PRTFDC1: variants seen among roughly 807,000 people sequenced by gnomAD.
The protein encoded by PRTFDC1 is phosphoribosyltransferase domain-containing protein 1.
PRTFDC1 carries 38 observed loss-of-function variants against 34.6 expected under a neutral mutation model. The observed-to-expected ratio is 1.10, with a 90% confidence interval of 0.85 to 1.44. The LOEUF (loss-of-function observed/expected upper bound fraction) is 1.44, where lower values mean the gene tolerates loss of function less well. Ranked by LOEUF, PRTFDC1 falls within the 40% of genes most tolerant of loss-of-function variation. PRTFDC1 has a pLI of 0.00. For synonymous variants in PRTFDC1, 93 were observed against 98.1 expected, an observed-to-expected ratio of 0.95 and a Z score of 0.31; for missense variants, 270 against 283.0, an observed-to-expected ratio of 0.95 and a Z score of 0.33.
At chr10:24,859,740 T>G (rs1847645512) in intron 4 of PRTFDC1, among the ~76,000 whole-genome samples, 1 of 152,214 alleles carries the variant, frequency 6.6e-6, no homozygotes, top group African/African-American at 2.4e-5. Flanking sequence ...CATTTTAATT[T>G]CTTGTTTGAT....
At chr10:24,910,832 A>G (rs1319470176) in intron 3 of PRTFDC1, among the ~76,000 whole-genome samples, 2 of 152,192 alleles carry the variant, frequency 1.3e-5, no homozygotes, top group African/African-American at 2.4e-5. Flanking sequence ...AAAATTACCA[A>G]ATCAGGCACC....
At chr10:24,894,406 A>G (rs1049322136) in intron 3 of PRTFDC1, among the ~76,000 whole-genome samples, 1 of 151,810 alleles carries the variant, frequency 6.6e-6, no homozygotes, top group Non-Finnish European at 1.5e-5. Flanking sequence ...GAAGTGCTGC[A>G]TGAGCTGTGA....
chr10:24,877,157 G>A (rs1472461383), intron 3 of PRTFDC1, among the ~76,000 whole-genome samples: 1 of 152,032 alleles, frequency 6.6e-6, no homozygotes, highest in Non-Finnish European at 1.5e-5. Flanking sequence ...ATTAGGCTGA[G>A]TCAGTGCTCT....
chr10:24,876,055 T>C (rs922188803), intron 3 of PRTFDC1, among the ~76,000 whole-genome samples: 2 of 152,026 alleles, frequency 1.3e-5, no homozygotes, highest in Non-Finnish European at 2.9e-5. Flanking sequence ...TAATACTTGA[T>C]AGGGCAAGTC....
chr10:24,895,687 G>GTATATA (rs1565269461), intron 3 of PRTFDC1, among the ~76,000 whole-genome samples: 28 of 30,824 alleles, frequency 9.1e-4, no homozygotes, highest in African/African-American at 3.2e-3. Context: ...GAGCTGGGGT[G>GTATATA]GATATATATA....
chr10:24,861,914 C>T (rs1408265573), intron 4 of PRTFDC1, among the ~76,000 whole-genome samples: 1 of 152,014 alleles, frequency 6.6e-6, no homozygotes, highest in Non-Finnish European at 1.5e-5. Flanking sequence ...GCTAGGATTA[C>T]AGGCATGAGC....
At chr10:24,881,661 A>T (rs1848081342) in intron 3 of PRTFDC1, among the ~76,000 whole-genome samples, 1 of 152,190 alleles carries the variant, frequency 6.6e-6, no homozygotes, top group African/African-American at 2.4e-5. Context: ...CACTACTTGT[A>T]AACAAAAGAA....
Position 24,952,409 on chromosome 10 carries a change from G to T in PRTFDC1, c.48+119C>A. 8.4e-7 allele frequency: 1 copy of T among 1,189,760 alleles called. No homozygotes were observed. Among genetic ancestry groups the T allele is most frequent in the Non-Finnish European group, 1.2e-6 (1 of 826,054 alleles). The allele number at this position is 1,189,760 out of a possible 1,614,324, so 73.7% of individuals were successfully genotyped here. A position where few individuals can be genotyped will look rare whatever the true frequency, so the allele number is the denominator to read the frequency against. ...GGATGGAAGCGATCCCCGCCGGGAG[G>T]GAGAACAAAGCGGTGGCCCTCTCTC... is the stretch of plus-strand genomic sequence containing the variant. On this transcript the variant is annotated intron_variant, in intron 1 of 8. Coordinates refer to ENST00000320152, the MANE Select transcript of PRTFDC1 (RefSeq NM_020200.7). The surrounding 1 kb of genome is among the most constrained non-coding windows in gnomAD (Gnocchi z 5.1).
At chr10:24,882,680 T>G (rs1273993470) in intron 3 of PRTFDC1, among the ~76,000 whole-genome samples, 1 of 152,082 alleles carries the variant, frequency 6.6e-6, no homozygotes, top group East Asian at 1.9e-4. Flanking sequence ...TATTTTTATT[T>G]ATTTTTTTAG....
At chr10:24,903,195 A>C (rs1332979158) in intron 3 of PRTFDC1, among the ~76,000 whole-genome samples, 1 of 152,204 alleles carries the variant, frequency 6.6e-6, no homozygotes, top group Non-Finnish European at 1.5e-5. Context: ...GACAGGAGTG[A>C]AACTGCATCT....
At chr10:24,920,410 T>C (rs1489017767) in intron 3 of PRTFDC1, among the ~76,000 whole-genome samples, 1 of 152,134 alleles carries the variant, frequency 6.6e-6, no homozygotes, top group African/African-American at 2.4e-5. Context: ...GAAGCCATTA[T>C]AGTCAGCAAA....
chr10:24,942,042 A>C (rs1034306143), intron 2 of PRTFDC1, among the ~76,000 whole-genome samples: 1 of 152,188 alleles, frequency 6.6e-6, no homozygotes, highest in African/African-American at 2.4e-5. Context: ...CTTCTTTGCC[A>C]CGGAAAAGCC....
intron 4 of PRTFDC1, among the ~76,000 whole-genome samples, chr10:24,863,676 A>T (rs1251785710): frequency 1.3e-5 from 2 of 152,176 alleles, no homozygotes; most frequent in Non-Finnish European, 2.9e-5. Flanking sequence ...TCTAGATGCC[A>T]TTCAGAGCAT....
intron 3 of PRTFDC1, among the ~76,000 whole-genome samples, chr10:24,917,147 A>G (rs935547431): frequency 2.0e-5 from 3 of 152,238 alleles, no homozygotes; most frequent in African/African-American, 7.2e-5. Context: ...TTTGCTAAAG[A>G]GAGCGAGATT....
intron 3 of PRTFDC1, among the ~76,000 whole-genome samples, chr10:24,921,714 G>GA (rs56835819): frequency 6.3e-4 from 79 of 125,152 alleles, no homozygotes; most frequent in Admixed American, 1.3e-3. Context: ...TGTTCTCTAG[G>GA]AAAAAAAAAA....
intron 1 of PRTFDC1, among the ~76,000 whole-genome samples, chr10:24,948,406 T>A (rs1333402645): frequency 1.3e-5 from 2 of 152,200 alleles, no homozygotes; most frequent in African/African-American, 4.8e-5. Flanking sequence ...CTGGTGACTG[T>A]ATTAGCTCCA....
At chr10:24,935,254 C>G (rs1849031649) in intron 3 of PRTFDC1, among the ~76,000 whole-genome samples, 1 of 152,096 alleles carries the variant, frequency 6.6e-6, no homozygotes. Context: ...TTTTAAAATG[C>G]TGTTAACCAG....
At chr10:24,943,503 C>T (rs1849203005) in intron 1 of PRTFDC1, among the ~76,000 whole-genome samples, 1 of 151,448 alleles carries the variant, frequency 6.6e-6, no homozygotes, top group Non-Finnish European at 1.5e-5. Context: ...TGAAGTGTTA[C>T]ACACTCAGAT....
At chr10:24,912,287 A>AG (rs1848637787) in intron 3 of PRTFDC1, among the ~76,000 whole-genome samples, 2 of 148,142 alleles carry the variant, frequency 1.4e-5, no homozygotes, top group South Asian at 2.1e-4. Context: ...AAAAAAAAAA[A>AG]AAAAAAAAGA....
Sources: allele counts gnomAD v4.1 joint callset (sites outside exome capture counted in the v4.1 genomes callset), GRCh38; gene constraint gnomAD v4.1.1; non-coding constraint Gnocchi (gnomAD v3.1); transcripts MANE v1.5; gene names NCBI Gene and HGNC (gene_info 2026-07-23, HGNC 2026-07-21).